The following PSMA1 variants were observed in gnomAD, a reference collection of about 807,000 sequenced individuals.
The protein encoded by PSMA1 is proteasome subunit alpha type-1.
In PSMA1, 3 loss-of-function variants were observed where a neutral mutation model predicts 38.4. The ratio of observed to expected loss-of-function variants is 0.08; its 90% CI spans 0.04 to 0.20. The LOEUF (loss-of-function observed/expected upper bound fraction) is 0.20. PSMA1 is among the 10% of genes least tolerant of loss of function. The pLI is 1.00. For synonymous variants in PSMA1, 101 were observed against 107.1 expected, an observed-to-expected ratio of 0.94 and a Z score of 0.35; for missense variants, 227 against 325.3, an observed-to-expected ratio of 0.70 and a Z score of 2.32.
rs79457313 is a variant in PSMA1, at chr11:14,551,470, C to T, written c.22-32429G>A. ...GAGCTGTTGAGGCATAGAAAAAAGACGGCCTCCAGGACAAATGTTGACAGT... is the reference window on the plus strand; with the variant it reads ...GAGCTGTTGAGGCATAGAAAAAAGATGGCCTCCAGGACAAATGTTGACAGT... On this transcript the variant is annotated intron_variant, in intron 2 of 10. Coordinates refer to the PSMA1 transcript ENST00000418988. Among the ~76,000 whole-genome samples, 356 of 152,226 alleles carry T rather than the reference C, an allele frequency of 2.3e-3. 2 individuals carry two copies. Among genetic ancestry groups the T allele is most frequent in the African/African-American group, 7.9e-3 (330 of 41,540 alleles).
intron 1 of PSMA1, among the ~76,000 whole-genome samples, chr11:14,630,640 T>C (rs949393907): frequency 1.3e-5 from 2 of 151,660 alleles, no homozygotes; most frequent in Non-Finnish European, 2.9e-5. Context: ...TTTTGTTGTG[T>C]CTCTGCCTGG....
chr11:14,597,957 C>T (rs1852522811), intron 2 of PSMA1, among the ~76,000 whole-genome samples: 1 of 152,162 alleles, frequency 6.6e-6, no homozygotes, highest in Non-Finnish European at 1.5e-5. Context: ...TGTCTTTGTT[C>T]TCACTGGTTT....
chr11:14,507,259 C>T (rs1410063273), intron 9 of PSMA1, among the ~76,000 whole-genome samples: 2 of 151,894 alleles, frequency 1.3e-5, no homozygotes, highest in African/African-American at 2.4e-5. Context: ...ACCTCCGCCT[C>T]CCGGGTTCAA....
At chr11:14,568,291 A>T (rs575933299) in intron 2 of PSMA1, among the ~76,000 whole-genome samples, 74 of 152,322 alleles carry the variant, frequency 4.9e-4, no homozygotes, top group African/African-American at 1.8e-3. Flanking sequence ...AAGAGAAAGA[A>T]AAGCTCCTTT....
At chr11:14,584,743 C>G (rs1852323292) in intron 2 of PSMA1, among the ~76,000 whole-genome samples, 1 of 152,114 alleles carries the variant, frequency 6.6e-6, no homozygotes, top group Non-Finnish European at 1.5e-5. Context: ...CGCAGTTTTC[C>G]TTTAGATCTC....
At chr11:14,636,944 C>T (rs1853119515) in intron 1 of PSMA1, among the ~76,000 whole-genome samples, 1 of 152,150 alleles carries the variant, frequency 6.6e-6, no homozygotes, top group Admixed American at 6.5e-5. Context: ...AACGATTTTC[C>T]TAGCTTTGGT....
At chr11:14,533,827 G>A (rs1469626734) in intron 2 of PSMA1, among the ~76,000 whole-genome samples, 1 of 152,058 alleles carries the variant, frequency 6.6e-6, no homozygotes, top group Admixed American at 6.6e-5. Context: ...ACAAAAATCT[G>A]AAGTCTAGAT....
intron 2 of PSMA1, among the ~76,000 whole-genome samples, chr11:14,565,785 C>A (rs1554969922): frequency 6.6e-6 from 1 of 152,116 alleles, no homozygotes; most frequent in Non-Finnish European, 1.5e-5. Flanking sequence ...AGTGCAAGAA[C>A]AAAAGGTAAA....
intron 2 of PSMA1, among the ~76,000 whole-genome samples, chr11:14,540,595 TCCTATCAGAAA>T (rs1851763150): frequency 1.3e-5 from 2 of 152,062 alleles, no homozygotes; most frequent in Admixed American, 1.3e-4. Flanking sequence ...AAAATACTAC[TCCTATCAGAAA>T]GGAAATGTGA....
chr11:14,561,726 T>G (rs892960215), intron 2 of PSMA1, among the ~76,000 whole-genome samples: 2 of 152,110 alleles, frequency 1.3e-5, no homozygotes, highest in Non-Finnish European at 2.9e-5. Context: ...GCGCTGTTTT[T>G]GGGGGCACAG....
At chr11:14,630,184 A>C (rs1224841518) in intron 1 of PSMA1, among the ~76,000 whole-genome samples, 3 of 152,130 alleles carry the variant, frequency 2.0e-5, no homozygotes, top group Non-Finnish European at 4.4e-5. Context: ...TGCCCTGGCC[A>C]GAACTTCCAA....
In PSMA1 at chr11:14,505,146, T is replaced by C. The variant is rs1565029993; in HGVS notation, c.*46A>G. ...ATTATTGTCATCAGTATGTGGTGCC[T>C]GTATTCTTACATATTTGATAATACA... On this transcript the variant is annotated 3_prime_UTR_variant, in exon 10 of 10. Coordinates refer to ENST00000396394, the MANE Select transcript of PSMA1 (RefSeq NM_002786.4). The C allele has an allele frequency of 6.7e-7, 1 of 1,498,968 alleles. No individual in the cohort carries two copies. Among genetic ancestry groups the C allele is most frequent in the South Asian group, 1.1e-5 (1 of 88,628 alleles). 92.9% of individuals were successfully genotyped at this position (1,498,968 alleles called of 1,614,324 possible).
chr11:14,554,898 G>A (rs1197615748), intron 2 of PSMA1, among the ~76,000 whole-genome samples: 1 of 152,132 alleles, frequency 6.6e-6, no homozygotes, highest in African/African-American at 2.4e-5. Context: ...TTGTTTGACA[G>A]ATAGATTTGG....
intron 1 of PSMA1, among the ~76,000 whole-genome samples, chr11:14,620,654 G>A (rs925474712): frequency 2.6e-5 from 4 of 152,184 alleles, no homozygotes; most frequent in African/African-American, 7.2e-5. Flanking sequence ...TTTTGAGGTC[G>A]TCTAGACCTA....
At chr11:14,578,270 C>G (rs1417524849) in intron 2 of PSMA1, among the ~76,000 whole-genome samples, 2 of 152,090 alleles carry the variant, frequency 1.3e-5, no homozygotes, top group East Asian at 1.9e-4. Flanking sequence ...AAGTTTAACC[C>G]TATTGTTTGT....
At chr11:14,579,583 C>T (rs1852259582) in intron 2 of PSMA1, among the ~76,000 whole-genome samples, 1 of 146,696 alleles carries the variant, frequency 6.8e-6, no homozygotes, top group Non-Finnish European at 1.5e-5. Context: ...TTTCGACCAA[C>T]TATAAGAGGT....
At chr11:14,586,497 GTGTT>G (rs997185498) in intron 2 of PSMA1, among the ~76,000 whole-genome samples, 2 of 151,880 alleles carry the variant, frequency 1.3e-5, no homozygotes, top group Admixed American at 6.6e-5. Flanking sequence ...ATGCATGTGG[GTGTT>G]TGTTTTTCAT....
At chr11:14,609,444 T>C (rs1852682739) in intron 2 of PSMA1, among the ~76,000 whole-genome samples, 1 of 152,172 alleles carries the variant, frequency 6.6e-6, no homozygotes, top group African/African-American at 2.4e-5. Context: ...GGGGAAGACC[T>C]TTTTTAAATA....
At chr11:14,536,151 A>T (rs1851704507) in intron 2 of PSMA1, among the ~76,000 whole-genome samples, 1 of 152,280 alleles carries the variant, frequency 6.6e-6, no homozygotes. Flanking sequence ...TTTGTTGATC[A>T]CCTTACTATA....
Sources: gnomAD v4.1 joint callset for allele counts (sites outside exome capture counted in the v4.1 genomes callset) on GRCh38, gnomAD v4.1.1 for gene constraint, MANE v1.5 for transcripts, NCBI Gene and HGNC (gene_info 2026-07-23, HGNC 2026-07-21) for gene names.